Variants in CDH12 observed in about 807,000 individuals in gnomAD.
CDH12 encodes the protein cadherin-12.
In CDH12, 41 loss-of-function variants were observed where a neutral mutation model predicts 74.1. The observed-to-expected ratio is 0.55, with a 90% CI of 0.43 to 0.72. CDH12 has a LOEUF of 0.72. Among genes scored for constraint, CDH12 ranks in the 30% least tolerant of loss-of-function variants. CDH12 has a pLI of 0.00. For synonymous variants in CDH12, 399 were observed against 355.0 expected, an observed-to-expected ratio of 1.12 and a Z score of -1.39; for missense variants, 945 against 977.2, an observed-to-expected ratio of 0.97 and a Z score of 0.44.
chr5:21,962,608 A>G (rs1197077020), intron 6 of CDH12, among the ~76,000 whole-genome samples: 1 of 151,998 alleles, frequency 6.6e-6, no homozygotes, highest in Admixed American at 6.6e-5. Flanking sequence ...TTTTTGACTA[A>G]TACACCGTAG....
chr5:22,553,070 C>T (rs1738647056), intron 1 of CDH12, among the ~76,000 whole-genome samples: 1 of 152,004 alleles, frequency 6.6e-6, no homozygotes. Context: ...GTACTTAACT[C>T]CTTGCCTAAA....
chr5:22,247,692 G>T (rs1274995333), intron 3 of CDH12, among the ~76,000 whole-genome samples: 1 of 151,538 alleles, frequency 6.6e-6, no homozygotes, highest in East Asian at 1.9e-4. Context: ...GAAAAGAAAA[G>T]AAAAGTATTT....
At chr5:22,186,468 T>C (rs1220392787) in intron 4 of CDH12, among the ~76,000 whole-genome samples, 2 of 152,174 alleles carry the variant, frequency 1.3e-5, no homozygotes, top group African/African-American at 2.4e-5. Flanking sequence ...GGATTTGTGT[T>C]TGGTTTTTTG....
rs150058155 is a variant in CDH12, at chr5:21,818,614, CAT to C, written c.815-1484_815-1483del. 4.7e-3 allele frequency among the ~76,000 whole-genome samples: 719 copies of C among 151,954 alleles called. 8 individuals are homozygous for C. The highest frequency in any genetic ancestry group is 0.017 in the African/African-American group (700 of 41,524). On this transcript the variant is annotated intron_variant, in intron 8 of 14. Coordinates refer to ENST00000382254, the MANE Select transcript of CDH12 (RefSeq NM_004061.5). ...AATCCAACATATTATCTCCATGGAA[CAT>C]ATATGTGATTTGGTCTCAAGAGAGC... is the stretch of plus-strand genomic sequence containing the variant.
intron 1 of CDH12, among the ~76,000 whole-genome samples, chr5:22,593,636 T>A (rs139914183): frequency 6.6e-6 from 1 of 152,304 alleles, no homozygotes; most frequent in East Asian, 1.9e-4. Context: ...ACTATTTTGG[T>A]TGAAAATGGT....
At chr5:21,851,660 A>T (rs763465500) in intron 7 of CDH12, among the ~76,000 whole-genome samples, 1 of 151,318 alleles carries the variant, frequency 6.6e-6, no homozygotes, top group Non-Finnish European at 1.5e-5. Flanking sequence ...TTCATAGTTA[A>T]GGCAAACAAT....
At chr5:22,614,671 G>T (rs1231308253) in intron 1 of CDH12, among the ~76,000 whole-genome samples, 1 of 152,262 alleles carries the variant, frequency 6.6e-6, no homozygotes, top group African/African-American at 2.4e-5. Flanking sequence ...ATGAGATAGT[G>T]TGGTGGGGGC....
chr5:22,015,385 C>T (rs1341599910), intron 5 of CDH12, among the ~76,000 whole-genome samples: 4 of 152,038 alleles, frequency 2.6e-5, no homozygotes, highest in Non-Finnish European at 5.9e-5. Context: ...GTACCAATCC[C>T]TTTTAAAATT....
At chr5:22,767,075 T>C (rs568073043) in intron 1 of CDH12, among the ~76,000 whole-genome samples, 1 of 152,202 alleles carries the variant, frequency 6.6e-6, no homozygotes, top group African/African-American at 2.4e-5. Context: ...TGCATGTATT[T>C]GACTATGATT....
At chr5:21,752,358 T>G in intron 14 of CDH12, 122 bp from the exon 15 acceptor site, 2 of 764,366 alleles carry the variant, frequency 2.6e-6, no homozygotes, top group South Asian at 1.8e-5. Flanking sequence ...GTTACTTTCA[T>G]AGTAAACATA....
intron 3 of CDH12, among the ~76,000 whole-genome samples, chr5:22,359,479 T>A (rs1431663901): frequency 2.6e-5 from 4 of 152,082 alleles, no homozygotes; most frequent in Non-Finnish European, 5.9e-5. Flanking sequence ...ACAATAATAA[T>A]GGGAGACTTC....
intron 6 of CDH12, 24 bp downstream of exon 6, chr5:21,975,067 C>G: frequency 6.6e-7 from 1 of 1,522,302 alleles, no homozygotes; most frequent in Non-Finnish European, 8.9e-7. Context: ...TTGTATCTCA[C>G]AGAATTTTGA....
chr5:21,860,388 GA>G (rs1240337335), intron 6 of CDH12, among the ~76,000 whole-genome samples: 1 of 151,422 alleles, frequency 6.6e-6, no homozygotes, highest in Non-Finnish European at 1.5e-5. Context: ...TTTATTTGGG[GA>G]TTATGTATGA....
At chr5:22,405,981 A>C (rs911944997) in intron 2 of CDH12, among the ~76,000 whole-genome samples, 1 of 152,220 alleles carries the variant, frequency 6.6e-6, no homozygotes, top group Non-Finnish European at 1.5e-5. Context: ...TGGATTATTT[A>C]GGAAATAATG....
chr5:22,578,472 G>T (rs1464309015), intron 1 of CDH12, among the ~76,000 whole-genome samples: 5 of 152,044 alleles, frequency 3.3e-5, no homozygotes, highest in African/African-American at 1.2e-4. Flanking sequence ...TGTTTTGTGT[G>T]TAAGTGCTCC....
At chr5:22,393,029 A>G (rs1308443559) in intron 3 of CDH12, among the ~76,000 whole-genome samples, 3 of 152,126 alleles carry the variant, frequency 2.0e-5, no homozygotes, top group Admixed American at 6.6e-5. Context: ...TTCCCCAACA[A>G]TGTCTCTAAT....
intron 1 of CDH12, among the ~76,000 whole-genome samples, chr5:22,696,921 T>TC (rs1200628878): frequency 4.6e-5 from 7 of 151,646 alleles, no homozygotes; most frequent in Non-Finnish European, 7.4e-5. Flanking sequence ...CCTTGGTCTC[T>TC]AGCACTGAAA....
At chr5:22,559,524 A>T (rs1039492911) in intron 1 of CDH12, among the ~76,000 whole-genome samples, 1 of 152,112 alleles carries the variant, frequency 6.6e-6, no homozygotes, top group African/African-American at 2.4e-5. Flanking sequence ...AGTGCTATGA[A>T]TCTTTCAAAA....
intron 4 of CDH12, among the ~76,000 whole-genome samples, chr5:22,089,121 T>C (rs574480260): frequency 4.9e-4 from 75 of 152,228 alleles, no homozygotes; most frequent in African/African-American, 1.8e-3. Context: ...TGATTAAAGA[T>C]AGAAAACAGA....
Sources: allele counts gnomAD v4.1 joint callset (sites outside exome capture counted in the v4.1 genomes callset), GRCh38; gene constraint gnomAD v4.1.1; transcripts MANE v1.5; gene names NCBI Gene and HGNC (gene_info 2026-07-23, HGNC 2026-07-21).